The following ZMAT4 variants were observed in gnomAD, a reference collection of about 807,000 sequenced individuals.
The protein encoded by ZMAT4 is zinc finger matrin-type 4.
ZMAT4 carries 17 observed loss-of-function variants against 28.7 expected under a neutral mutation model. That is an observed-to-expected ratio of 0.59 (90% CI 0.41 to 0.89). The LOEUF (loss-of-function observed/expected upper bound fraction) is 0.89, where lower values mean the gene tolerates loss of function less well. Ranked by LOEUF, ZMAT4 falls within the 40% of genes least tolerant of loss-of-function variation. ZMAT4 has a pLI of 0.00. For synonymous variants in ZMAT4, 117 were observed against 109.2 expected (o/e 1.07, Z -0.44); for missense variants, 240 against 283.8 (o/e 0.85, Z 1.11).
chr8:40,697,521 C>T (rs1809946123), intron 3 of ZMAT4, 120 bp from the exon 4 acceptor site: 1 of 1,106,424 alleles, frequency 9.0e-7, no homozygotes, highest in East Asian at 3.0e-5. Context: ...CAAGCTGTCT[C>T]TCTCTCTTTT....
chr8:40,809,718 C>A (rs936089285), intron 2 of ZMAT4, among the ~76,000 whole-genome samples: 4 of 151,952 alleles, frequency 2.6e-5, no homozygotes, highest in Non-Finnish European at 1.5e-5. Flanking sequence ...TAGATAGATA[C>A]CCCTGCTTTA....
chr8:40,821,042 T>G (rs974241503), intron 2 of ZMAT4, among the ~76,000 whole-genome samples: 1 of 151,718 alleles, frequency 6.6e-6, no homozygotes, highest in Non-Finnish European at 1.5e-5. Flanking sequence ...TGTATGTATG[T>G]GTGGGTGTGT....
intron 5 of ZMAT4, among the ~76,000 whole-genome samples, chr8:40,634,778 C>T (rs1806729697): frequency 6.6e-6 from 1 of 152,150 alleles, no homozygotes; most frequent in African/African-American, 2.4e-5. Context: ...CCAATAATCT[C>T]ATACAACTCG....
chr8:40,863,913 A>T (rs1208612366), intron 1 of ZMAT4, among the ~76,000 whole-genome samples: 1 of 152,212 alleles, frequency 6.6e-6, no homozygotes, highest in Non-Finnish European at 1.5e-5. Context: ...CAAAATAATT[A>T]TCACACATTA....
At chr8:40,553,541 T>G (rs891594097) in intron 6 of ZMAT4, among the ~76,000 whole-genome samples, 1 of 152,188 alleles carries the variant, frequency 6.6e-6, no homozygotes, top group African/African-American at 2.4e-5. Flanking sequence ...AATGTCTATC[T>G]GGGCAACAGG....
chr8:40,847,326 A>T (rs538336906), intron 1 of ZMAT4, among the ~76,000 whole-genome samples: 1 of 152,280 alleles, frequency 6.6e-6, no homozygotes, highest in Non-Finnish European at 1.5e-5. Flanking sequence ...CGTTGATTAC[A>T]CTAAGATGTT....
intron 6 of ZMAT4, among the ~76,000 whole-genome samples, chr8:40,565,377 C>CTTT (rs66960843): frequency 6.4e-5 from 5 of 78,590 alleles, no homozygotes; most frequent in Admixed American, 1.5e-4. Flanking sequence ...GTGCCACCAT[C>CTTT]TTTTTTTTTT....
chr8:40,776,956 A>G (rs987733611), intron 2 of ZMAT4, among the ~76,000 whole-genome samples: 1 of 146,620 alleles, frequency 6.8e-6, no homozygotes, highest in South Asian at 2.2e-4. Flanking sequence ...TCATGAGTTT[A>G]TTGCGTATGT....
intron 1 of ZMAT4, among the ~76,000 whole-genome samples, chr8:40,865,877 G>A (rs570547508): frequency 6.6e-6 from 1 of 152,246 alleles, no homozygotes; most frequent in African/African-American, 2.4e-5. Flanking sequence ...CCAATTTTTA[G>A]ATTTTAGAAG....
At chr8:40,617,564 T>G (rs1806054768) in intron 5 of ZMAT4, among the ~76,000 whole-genome samples, 1 of 152,196 alleles carries the variant, frequency 6.6e-6, no homozygotes, top group African/African-American at 2.4e-5. Context: ...TCAGGAAGCA[T>G]AAAATATATA....
intron 5 of ZMAT4, among the ~76,000 whole-genome samples, chr8:40,617,502 C>T (rs905846196): frequency 5.9e-5 from 9 of 152,178 alleles, no homozygotes; most frequent in Non-Finnish European, 1.2e-4. Flanking sequence ...GCATTCTAAA[C>T]ATCATCTTGG....
chr8:40,661,148 C>T (rs896296078), intron 5 of ZMAT4, among the ~76,000 whole-genome samples: 1 of 152,088 alleles, frequency 6.6e-6, no homozygotes, highest in Admixed American at 6.6e-5. Flanking sequence ...TTGCCCAGGC[C>T]AGAGTGCAGT....
intron 5 of ZMAT4, among the ~76,000 whole-genome samples, chr8:40,630,374 G>A (rs1015257341): frequency 3.9e-5 from 6 of 152,160 alleles, no homozygotes; most frequent in African/African-American, 1.4e-4. Flanking sequence ...ATCTTCTCTA[G>A]ACCTCATATA....
chr8:40,536,500 A>G (rs1802851786), intron 6 of ZMAT4, among the ~76,000 whole-genome samples: 1 of 152,176 alleles, frequency 6.6e-6, no homozygotes, highest in Non-Finnish European at 1.5e-5. Context: ...TGTCACTGGC[A>G]TCTTCTTCTC....
intron 1 of ZMAT4, among the ~76,000 whole-genome samples, chr8:40,853,870 G>A (rs192030736): frequency 1.2e-4 from 18 of 152,324 alleles, no homozygotes; most frequent in Admixed American, 1.2e-3. Flanking sequence ...ATGCTATAAA[G>A]GAATACCTGT....
Position 40,763,932 on chromosome 8 carries a change from T to A in ZMAT4, c.192+3709A>T, listed in dbSNP as rs144554767. Among the ~76,000 whole-genome samples, 102 of 152,278 alleles carry A rather than the reference T, an allele frequency of 6.7e-4. No homozygotes were observed. In the East Asian group the frequency reaches 0.014, roughly 20 times the overall value. ...AAAATACTGTTTACTTAAAACTGAC[T>A]TGCGATTTTGGTCAGCAGTTACTTA... is the stretch of plus-strand genomic sequence containing the variant. On this transcript the variant is annotated intron_variant, in intron 3 of 6. Transcript: ENST00000297737.
rs116610897 is a variant in ZMAT4 at position 40,838,751 on chromosome 8, A to T, written c.-4-13071T>A. 7.6e-3 allele frequency among the ~76,000 whole-genome samples: 1,157 copies of T among 152,274 alleles called. 13 individuals carry two copies. Among genetic ancestry groups the T allele is most frequent in the African/African-American group, 0.026 (1,066 of 41,564 alleles). On this transcript the variant is annotated intron_variant, in intron 1 of 6. Transcript: ENST00000297737. ...GGGGAAAGAAGACCAGCATCAGGGA[A>T]GAGCTGGAAGGAAACAAAAGACATG...
chr8:40,561,694 C>T (rs1225393677), intron 6 of ZMAT4, among the ~76,000 whole-genome samples: 1 of 152,208 alleles, frequency 6.6e-6, no homozygotes, highest in Admixed American at 6.5e-5. Flanking sequence ...CCCCAGCCCA[C>T]AGGCTGCATG....
chr8:40,870,550 G>T (rs1168357467), intron 1 of ZMAT4, among the ~76,000 whole-genome samples: 1 of 152,154 alleles, frequency 6.6e-6, no homozygotes, highest in Admixed American at 6.5e-5. Flanking sequence ...TCCTTCCCTA[G>T]AAGTGAATTA....
Sources: gnomAD v4.1 joint callset for allele counts (sites outside exome capture counted in the v4.1 genomes callset) on GRCh38, gnomAD v4.1.1 for gene constraint, MANE v1.5 for transcripts, NCBI Gene and HGNC (gene_info 2026-07-23, HGNC 2026-07-21) for gene names.